SCGN: variants seen among roughly 807,000 people sequenced by gnomAD.
SCGN encodes secretagogin.
A neutral mutation model predicts 39.7 loss-of-function variants in SCGN; 30 were observed. That is an observed-to-expected ratio of 0.76 (90% CI 0.57 to 1.03). The LOEUF (loss-of-function observed/expected upper bound fraction) is 1.03, where lower values mean the gene tolerates loss of function less well. Among genes scored for constraint, SCGN ranks in the 50% least tolerant of loss-of-function variants. SCGN has a pLI of 0.00. For missense variants in SCGN, 353 were observed against 349.4 expected (o/e 1.01, Z -0.08); for synonymous variants, 106 against 114.1 (o/e 0.93, Z 0.45).
At chr6:25,683,819 G>A (rs1411192436) in intron 7 of SCGN, among the ~76,000 whole-genome samples, 1 of 152,210 alleles carries the variant, frequency 6.6e-6, no homozygotes, top group Non-Finnish European at 1.5e-5. Context: ...ATGAGACAAA[G>A]TATGTTAATC....
chr6:25,675,626 C>T (rs9358866), intron 6 of SCGN, among the ~76,000 whole-genome samples: 30,376 of 152,192 alleles, frequency 0.2, 3,388 homozygotes, highest in East Asian at 0.45. Flanking sequence ...AATCCTGCAA[C>T]AATGGCAGAC....
intron 9 of SCGN, 149 bp downstream of exon 9, chr6:25,689,681 C>G: frequency 1.6e-6 from 1 of 628,178 alleles, no homozygotes; most frequent in Non-Finnish European, 2.8e-6. Context: ...ACTCTCAACT[C>G]CTCTAGACCT....
intron 2 of SCGN, among the ~76,000 whole-genome samples, chr6:25,660,678 A>G (rs770314784): frequency 3.3e-5 from 5 of 152,222 alleles, no homozygotes; most frequent in Non-Finnish European, 7.3e-5. Flanking sequence ...ATGTGCATGG[A>G]TGATGCATCC....
At chr6:25,656,633 A>G (rs1455153352) in intron 2 of SCGN, among the ~76,000 whole-genome samples, 4 of 152,174 alleles carry the variant, frequency 2.6e-5, no homozygotes, top group African/African-American at 4.8e-5. Flanking sequence ...TACTTCAGGG[A>G]TTATAGTACC....
At chr6:25,695,157 C>T (rs766195207) in intron 10 of SCGN, among the ~76,000 whole-genome samples, 33 of 152,280 alleles carry the variant, frequency 2.2e-4, no homozygotes, top group East Asian at 1.9e-4. Flanking sequence ...AAAAATGACA[C>T]CCAAGTCTTT....
Position 25,689,258 on chromosome 6 carries a change from T to C in SCGN, c.573+41T>C, listed in dbSNP as rs529326310. ...TCTCTAGATGGGTTTATGTCATTGC[T>C]GTTTCTCTACGGATTTGAGCAGGAA... On this transcript the variant is annotated intron_variant, in intron 8 of 10. Coordinates refer to ENST00000377961, the MANE Select transcript of SCGN (RefSeq NM_006998.4). The C allele has an allele frequency of 6.9e-6, 10 of 1,443,116 alleles. No homozygotes were observed. The South Asian group carries it at 1.1e-4, about 16-fold the overall frequency. The allele number at this position is 1,443,116 out of a possible 1,614,324, so 89.4% of individuals were successfully genotyped here.
intron 10 of SCGN, among the ~76,000 whole-genome samples, chr6:25,694,871 TA>T (rs1464098425): frequency 1.3e-5 from 2 of 152,232 alleles, no homozygotes; most frequent in African/African-American, 4.8e-5. Context: ...CTTTTCTCTT[TA>T]TTTTCATTTT....
At chr6:25,658,714 C>A (rs1218064112) in intron 2 of SCGN, among the ~76,000 whole-genome samples, 1 of 152,142 alleles carries the variant, frequency 6.6e-6, no homozygotes, top group Admixed American at 6.5e-5. Context: ...ATTTATTATC[C>A]ATTTGGGAAC....
In SCGN at chr6:25,681,998, C is replaced by T; in HGVS notation, c.519C>T (p.Asp173=). The T allele has an allele frequency of 6.2e-7, 1 of 1,611,870 alleles. No individual in the cohort carries two copies. Among genetic ancestry groups the T allele is most frequent in the East Asian group, 2.2e-5 (1 of 44,868 alleles). ...AAGATGGTCGGTTGGATCTAAATGACTTAGCAAGGTGAGTTACATGGAAAT... is the reference window on the plus strand; with the variant it reads ...AAGATGGTCGGTTGGATCTAAATGATTTAGCAAGGTGAGTTACATGGAAAT... ...RNKDGRLDLN[D]LARILALQEN... The change falls in exon 7 of 11, where the codon GAC becomes GAT. Residue 173 remains aspartate, a synonymous_variant. Transcript: ENST00000377961.
intron 2 of SCGN, among the ~76,000 whole-genome samples, chr6:25,658,611 C>T (rs1289116287): frequency 6.6e-6 from 1 of 152,146 alleles, no homozygotes; most frequent in Non-Finnish European, 1.5e-5. Context: ...CATATAGATG[C>T]TATTTTTTAG....
chr6:25,668,397 T>C (rs369414316), intron 4 of SCGN, among the ~76,000 whole-genome samples: 8 of 152,222 alleles, frequency 5.3e-5, no homozygotes, highest in African/African-American at 1.9e-4. Context: ...GGTTCGTAAC[T>C]GCTTCTTCAG....
intron 3 of SCGN, among the ~76,000 whole-genome samples, chr6:25,663,330 A>G (rs1299001766): frequency 6.6e-6 from 1 of 152,220 alleles, no homozygotes; most frequent in Non-Finnish European, 1.5e-5. Flanking sequence ...GGCAGTTCCC[A>G]GTTCCAGTTG....
intron 6 of SCGN, among the ~76,000 whole-genome samples, chr6:25,671,089 A>G (rs1163164699): frequency 6.6e-6 from 1 of 152,232 alleles, no homozygotes; most frequent in Non-Finnish European, 1.5e-5. Flanking sequence ...AGTCAGGGAT[A>G]CATATTACTG....
chr6:25,661,490 C>A, intron 2 of SCGN, 62 bp from the exon 3 acceptor site: 1 of 1,092,778 alleles, frequency 9.2e-7, no homozygotes, highest in Non-Finnish European at 1.4e-6. Flanking sequence ...GAATATTTGC[C>A]ATCCTAACTA....
At chr6:25,661,324 C>A (rs1362372313) in intron 2 of SCGN, among the ~76,000 whole-genome samples, 1 of 152,172 alleles carries the variant, frequency 6.6e-6, no homozygotes, top group African/African-American at 2.4e-5. Flanking sequence ...AACTCATTAA[C>A]TGTAAATTGT....
At chr6:25,664,046 TG>T (rs1482585452) in intron 3 of SCGN, among the ~76,000 whole-genome samples, 2 of 152,182 alleles carry the variant, frequency 1.3e-5, no homozygotes, top group African/African-American at 2.4e-5. Context: ...ACTCTAGGTT[TG>T]GCAATGAACA....
intron 1 of SCGN, among the ~76,000 whole-genome samples, chr6:25,652,788 TG>T (rs1192026670): frequency 2.0e-4 from 30 of 152,218 alleles, no homozygotes; most frequent in African/African-American, 7.2e-4. Context: ...CTAATATCAT[TG>T]TATATGTTCA....
At chr6:25,669,318 A>C (rs1400486667) in intron 4 of SCGN, among the ~76,000 whole-genome samples, 193 bp from the exon 5 acceptor site, 1 of 152,118 alleles carries the variant, frequency 6.6e-6, no homozygotes, top group African/African-American at 2.4e-5. Flanking sequence ...AGTGGCTCCA[A>C]GTGAATGCAG....
intron 2 of SCGN, among the ~76,000 whole-genome samples, 165 bp downstream of exon 2, chr6:25,653,617 T>C (rs1760174196): frequency 1.3e-5 from 2 of 152,216 alleles, no homozygotes; most frequent in African/African-American, 4.8e-5. Context: ...TAGGCAGTTT[T>C]TATAAAAGGT....
Sources: gnomAD v4.1 joint callset for allele counts (sites outside exome capture counted in the v4.1 genomes callset) on GRCh38, gnomAD v4.1.1 for gene constraint, MANE v1.5 for transcripts, NCBI Gene and HGNC (gene_info 2026-07-23, HGNC 2026-07-21) for gene names.